The following SBNO1 variants were observed in gnomAD, a reference collection of about 807,000 sequenced individuals.
The protein encoded by SBNO1 is protein strawberry notch homolog 1.
In SBNO1, 23 loss-of-function variants were observed where a neutral mutation model predicts 173.6. The observed-to-expected ratio is 0.13, with a 90% CI of 0.10 to 0.19. SBNO1 has a LOEUF of 0.19. SBNO1 is among the 10% of genes least tolerant of loss of function. SBNO1 has a pLI of 1.00. For missense variants in SBNO1, 1,238 were observed against 1,671.2 expected, an observed-to-expected ratio of 0.74 and a Z score of 4.52; for synonymous variants, 632 against 571.5, an observed-to-expected ratio of 1.11 and a Z score of -1.51.
chr12:123,313,200 TAAAATAAATAAATAAATAAA>T (rs1868813132), intron 24 of SBNO1, among the ~76,000 whole-genome samples: 2 of 122,904 alleles, frequency 1.6e-5, no homozygotes, highest in South Asian at 2.6e-4. Flanking sequence ...GACTCGGTCT[TAAAATAAATAAATAAATAAA>T]TAAATAAATA....
chr12:123,346,815 C>T (rs759194710), intron 3 of SBNO1, among the ~76,000 whole-genome samples: 1 of 152,012 alleles, frequency 6.6e-6, no homozygotes. Flanking sequence ...CGGTGGCTCA[C>T]ATCTGTAATC....
At chr12:123,302,922 C>T (rs1328598946) in intron 29 of SBNO1, 22 bp from the exon 30 acceptor site, 1 of 1,568,652 alleles carries the variant, frequency 6.4e-7, no homozygotes, top group African/African-American at 1.4e-5. Context: ...AGAAGAATTT[C>T]ATTGAAAACA....
chr12:123,336,311 A>T, intron 6 of SBNO1, 84 bp downstream of exon 6: 1 of 894,524 alleles, frequency 1.1e-6, no homozygotes, highest in Non-Finnish European at 1.8e-6. Context: ...TTCTAAATTT[A>T]TATGGAAAAA....
chr12:123,347,090 AAAG>A (rs1289915451), intron 3 of SBNO1, among the ~76,000 whole-genome samples: 1 of 151,752 alleles, frequency 6.6e-6, no homozygotes, highest in Non-Finnish European at 1.5e-5. Context: ...AAAAAAAAAA[AAAG>A]AAACAAGAAT....
chr12:123,364,432 C>A (rs1427532075), intron 1 of SBNO1: 1 of 985,410 alleles, frequency 1.0e-6, no homozygotes, highest in Non-Finnish European at 1.2e-6. Flanking sequence ...GCGGGGCTCC[C>A]GGAGCCCGAA....
intron 30 of SBNO1, among the ~76,000 whole-genome samples, chr12:123,300,648 ACTC>A: frequency 7.4e-6 from 1 of 134,418 alleles, no homozygotes; most frequent in African/African-American, 2.9e-5. Context: ...ACAGAGCGAG[ACTC>A]CATCTCAAAA....
chr12:123,334,337 G>A (rs1284538184), intron 6 of SBNO1, 124 bp from the exon 7 acceptor site: 1 of 637,594 alleles, frequency 1.6e-6, no homozygotes, highest in African/African-American at 1.9e-5. Flanking sequence ...TATTCACTCT[G>A]AGCTTCCATA....
rs1202049678 is a variant in SBNO1, at chr12:123,321,581, GTCA to G, written c.2274_2276del (p.Asp760del). The G allele has an allele frequency of 6.2e-7, 1 of 1,613,804 alleles. No homozygotes were observed. Among genetic ancestry groups the G allele is most frequent in the Non-Finnish European group, 8.5e-7 (1 of 1,179,842 alleles). ...ACTCATCTAAAAATGGGTTGAAATC[GTCA>G]TCATCTCCAGAACTCATGTTTTTAG... On this transcript the variant is annotated inframe_deletion, in exon 17 of 32. Transcript: ENST00000602398.
At chr12:123,357,461 A>G (rs1255141723) in intron 1 of SBNO1, among the ~76,000 whole-genome samples, 1 of 149,738 alleles carries the variant, frequency 6.7e-6, no homozygotes, top group African/African-American at 2.5e-5. Context: ...AACAACAAAC[A>G]GTCAGGCATG....
Position 123,292,906 on chromosome 12 carries a change from G to A in SBNO1, c.*3002C>T, listed in dbSNP as rs2048533294. Reference sequence around the variant, plus strand: ...CCTATGAATTTGTATCATTGATAGTGTATCTGGATAATCCCAGTAACTACA... The same window carrying A: ...CCTATGAATTTGTATCATTGATAGTATATCTGGATAATCCCAGTAACTACA... On this transcript the variant is annotated 3_prime_UTR_variant, in exon 32 of 32. Transcript: ENST00000602398. 1 of 152,208 alleles carries A rather than the reference G, an allele frequency of 6.6e-6. No individual in the cohort carries two copies. The highest frequency in any genetic ancestry group is 6.5e-5 in the Admixed American group (1 of 15,284). The allele number at this position is 152,208 out of a possible 1,614,324, so 9.4% of individuals were successfully genotyped here. A position where few individuals can be genotyped will look rare whatever the true frequency, so the allele number is the denominator to read the frequency against.
At chr12:123,308,000 A>C (rs1436520215) in intron 28 of SBNO1, among the ~76,000 whole-genome samples, 1 of 152,150 alleles carries the variant, frequency 6.6e-6, no homozygotes, top group African/African-American at 2.4e-5. Context: ...TGAACCTGGG[A>C]GGCGGAGGTT....
chr12:123,351,978 G>C (rs1196500938), intron 1 of SBNO1, among the ~76,000 whole-genome samples: 1 of 151,996 alleles, frequency 6.6e-6, no homozygotes, highest in Admixed American at 6.6e-5. Context: ...TTGCCGGGGT[G>C]GGGGGCTAAA....
At chr12:123,327,306 ATC>A in intron 13 of SBNO1, 118 bp downstream of exon 13, 1 of 840,804 alleles carries the variant, frequency 1.2e-6, no homozygotes, top group East Asian at 2.6e-5. Context: ...GCCTGGCTTC[ATC>A]TGTTGTTTTA....
At chr12:123,322,873 C>T (rs570170493) in intron 16 of SBNO1, among the ~76,000 whole-genome samples, 2 of 149,870 alleles carry the variant, frequency 1.3e-5, no homozygotes, top group Non-Finnish European at 3.0e-5. Context: ...GAGACGGAGA[C>T]CCTGTCTCAA....
chr12:123,320,595 G>A lies in SBNO1; in HGVS notation c.2504C>T (p.Thr835Ile), dbSNP rs775506437. Residue 835 changes from threonine (T) to isoleucine (I), a missense_variant, in exon 19 of 32, where the codon ACC becomes ATC. Around this residue, in one of 14 missense-constraint regions of SBNO1, gnomAD observed 74 missense variants for 68.5 expected, o/e 1.08. Transcript: ENST00000602398. ...APNSTPANSN[T>I]NSNSSLITSQ... ...TGTTATAAGGCTACTGTTACTGTTG[G>A]TGTTACTGTTAGCTAGATAAAGAAC... 1.9e-6 allele frequency: 3 copies of A among 1,612,100 alleles called. No individual in the cohort carries two copies. Among genetic ancestry groups the A allele is most frequent in the East Asian group, 2.2e-5 (1 of 44,868 alleles).
chr12:123,354,799 C>T (rs936560888), intron 1 of SBNO1, among the ~76,000 whole-genome samples: 7 of 152,140 alleles, frequency 4.6e-5, no homozygotes, highest in African/African-American at 1.7e-4. Context: ...CCTCAGATGA[C>T]ATTTACCATG....
rs1870743076 is a variant in SBNO1, at chr12:123,327,487, T to A, written c.1631A>T (p.Lys544Ile). The A allele has an allele frequency of 6.2e-7, 1 of 1,613,846 alleles. No individual in the cohort carries two copies. Residue 544 changes from lysine to isoleucine, a missense_variant, in exon 13 of 32, where the codon AAA becomes ATA. Physicochemically the swap from Lys to Ile is moderately radical, Grantham distance 102. Coordinates refer to ENST00000602398, the MANE Select transcript of SBNO1 (RefSeq NM_001167856.3). ...RQLSFTGVTFKIEEVLLSQSY... is the reference protein window; with the variant it reads ...RQLSFTGVTFIIEEVLLSQSY... ...CTGAGAAAGAAGAACTTCCTCAATT[T>A]TGAAGGTCACTCCAGTAAAGCTCAG...
chr12:123,326,191 C>G lies in SBNO1; in HGVS notation c.1836G>C (p.Arg612Ser), dbSNP rs752027264. The G allele has an allele frequency of 2.4e-5, 38 of 1,611,736 alleles. No homozygotes were observed. The highest frequency in any genetic ancestry group is 2.0e-4 in the East Asian group (9 of 44,848). ...KYLCIASKVKRVVQLAREEIK... is the reference protein window; with the variant it reads ...KYLCIASKVKSVVQLAREEIK... ...TTTCCTCTCGAGCTAGTTGCACAAC[C>G]CTTTTAACTTTGGATGCTATGCATA... Residue 612 changes from arginine to serine, a missense_variant, in exon 14 of 32, where the codon AGG becomes AGC. Transcript: ENST00000602398.
chr12:123,348,163 TA>T (rs11325003), intron 2 of SBNO1, 30 bp from the exon 3 acceptor site: 1,153,089 of 1,208,642 alleles, frequency 0.95, 551,230 homozygotes, highest in Non-Finnish European at 0.96. Flanking sequence ...AGACAAAAAA[TA>T]AAAGGACAGC....
Sources: allele counts gnomAD v4.1 joint callset (sites outside exome capture counted in the v4.1 genomes callset), GRCh38; gene constraint gnomAD v4.1.1; regional missense constraint gnomAD v4.1.1; transcripts MANE v1.5; gene names NCBI Gene and HGNC (gene_info 2026-07-23, HGNC 2026-07-21).